The following ERCC4 variants were observed in gnomAD, a reference collection of about 807,000 sequenced individuals.
ERCC4 encodes the protein ERCC excision repair 4, endonuclease catalytic subunit.
A neutral mutation model predicts 76.9 loss-of-function variants in ERCC4; 65 were observed. The observed-to-expected ratio is 0.84, with a 90% CI of 0.69 to 1.04. ERCC4 has a LOEUF of 1.04. ERCC4 is among the 50% of genes least tolerant of loss of function. ERCC4 has a pLI of 0.00. For missense variants in ERCC4, 1,214 were observed against 1,128.2 expected (o/e 1.08, Z -1.09); for synonymous variants, 463 against 410.1 (o/e 1.13, Z -1.56).
chr16:13,937,639 C>T (rs1222801433), intron 8 of ERCC4, 127 bp from the exon 9 acceptor site: 2 of 717,840 alleles, frequency 2.8e-6, no homozygotes, highest in East Asian at 5.4e-5. Context: ...ATAAATGAAA[C>T]CTTTGATTCT....
At chr16:13,920,410 G>C in intron 1 of ERCC4, 38 bp downstream of exon 1, 1 of 1,515,994 alleles carries the variant, frequency 6.6e-7, no homozygotes, top group Non-Finnish European at 8.9e-7. Context: ...GGGACTCCGA[G>C]AGTGTTGAGG....
At position 13,949,460 on chromosome 16, in the gene ERCC4, T is replaced by C; in HGVS notation, c.*1113T>C. 8.6e-6 allele frequency: 2 copies of C among 233,134 alleles called. No individual in the cohort carries two copies. Among genetic ancestry groups the C allele is most frequent in the Non-Finnish European group, 1.7e-5 (2 of 117,974 alleles). 14.4% of individuals were successfully genotyped at this position (233,134 alleles called of 1,614,324 possible). ...AAGCTCACCTGCCTGTGATTCCTCATTTCTCACCATCCTGTGCCAGGGTGG... is the reference window on the plus strand; with the variant it reads ...AAGCTCACCTGCCTGTGATTCCTCACTTCTCACCATCCTGTGCCAGGGTGG... On this transcript the variant is annotated 3_prime_UTR_variant, in exon 11 of 11. Transcript: ENST00000311895.
intron 6 of ERCC4, 47 bp downstream of exon 6, chr16:13,932,332 TTGGTATGGAAATTTAAAG>T (rs1334137430): frequency 4.5e-6 from 7 of 1,568,556 alleles, no homozygotes; most frequent in Non-Finnish European, 6.1e-6. Flanking sequence ...ATTTCGGTAT[TTGGTATGGAAATTTAAAG>T]TGCAATTTAA....
In ERCC4 at chr16:13,947,945, C is replaced by T. The variant is rs2032552367; in HGVS notation, c.2349C>T (p.Asp783=). 6.2e-7 allele frequency: 1 copy of T among 1,614,176 alleles called. No individual in the cohort carries two copies. Among genetic ancestry groups the T allele is most frequent in the Non-Finnish European group, 8.5e-7 (1 of 1,180,018 alleles). The change falls in exon 11 of 11, where the codon GAC becomes GAT. Residue 783 remains aspartate (D), a synonymous_variant. Coordinates refer to ENST00000311895, the MANE Select transcript of ERCC4 (RefSeq NM_005236.3). ...TGTTTCAGGAGATCTCCAGCAATGACATTAGTTCCAAACTCACTCTTCTTA... is the reference window on the plus strand; with the variant it reads ...TGTTTCAGGAGATCTCCAGCAATGATATTAGTTCCAAACTCACTCTTCTTA... The part of the protein sequence containing the change: ...GALFQEISSN[D]ISSKLTLLTL...
intron 4 of ERCC4, among the ~76,000 whole-genome samples, chr16:13,930,221 G>A (rs2141947974): frequency 6.6e-6 from 1 of 152,168 alleles, no homozygotes; most frequent in East Asian, 1.9e-4. Context: ...ACCTTAATTT[G>A]TTAGTAAGCC....
chr16:13,934,396 G>A, intron 7 of ERCC4, 94 bp downstream of exon 7: 1 of 819,886 alleles, frequency 1.2e-6, no homozygotes, highest in Non-Finnish European at 2.1e-6. Flanking sequence ...AGACTAGCCT[G>A]ACCAACATGG....
intron 1 of ERCC4, 98 bp downstream of exon 1, chr16:13,920,470 G>A: frequency 9.1e-7 from 1 of 1,095,054 alleles, no homozygotes; most frequent in South Asian, 1.3e-5. Context: ...GGGCTCTGAG[G>A]GGGATTCAGG....
At chr16:13,944,182 T>C (rs3136201) in intron 9 of ERCC4, 83 of 158,344 alleles carry the variant, frequency 5.2e-4, no homozygotes, top group African/African-American at 1.8e-3. Context: ...TTCTTATATC[T>C]ATTTCAAAAT....
intron 1 of ERCC4, among the ~76,000 whole-genome samples, chr16:13,921,144 T>G (rs142740824): frequency 6.8e-6 from 1 of 146,536 alleles, no homozygotes; most frequent in Non-Finnish European, 1.5e-5. Context: ...TGGGGAGACA[T>G]GAAAGGAGAT....
At position 13,952,146 on chromosome 16, in the gene ERCC4, AAC is replaced by A. The variant is rs1415471494; in HGVS notation, c.*3801_*3802del. The A allele has an allele frequency of 1.1e-5, 2 of 189,040 alleles. No individual in the cohort carries two copies. Among genetic ancestry groups the A allele is most frequent in the Non-Finnish European group, 2.2e-5 (2 of 90,098 alleles). 11.7% of individuals were successfully genotyped at this position (189,040 alleles called of 1,614,324 possible). ...GACATAACTGATTTATATGAATTTT[AAC>A]AGAGTTGTATTTGTGTGTGTTTAAT... On this transcript the variant is annotated 3_prime_UTR_variant, in exon 11 of 11. Transcript: ENST00000311895.
At chr16:13,935,795 C>T (rs762215390) in intron 8 of ERCC4, 52 bp downstream of exon 8, 59 of 1,300,864 alleles carry the variant, frequency 4.5e-5, no homozygotes, top group Non-Finnish European at 6.5e-5. Flanking sequence ...TAGGATTTAA[C>T]CCAGAAACTA....
chr16:13,931,033 A>G, intron 5 of ERCC4, 143 bp downstream of exon 5: 1 of 679,842 alleles, frequency 1.5e-6, no homozygotes, highest in Non-Finnish European at 2.6e-6. Context: ...TCATAGCACA[A>G]AGATGTAGGT....
At chr16:13,938,471 A>G (rs563319084) in intron 9 of ERCC4, among the ~76,000 whole-genome samples, 22 of 152,198 alleles carry the variant, frequency 1.4e-4, no homozygotes, top group Non-Finnish European at 2.9e-4. Context: ...CTGGTTGGCT[A>G]CCTCTTGCCC....
intron 4 of ERCC4, 28 bp from the exon 5 acceptor site, chr16:13,930,682 G>C (rs1311431887): frequency 6.5e-7 from 1 of 1,545,600 alleles, no homozygotes; most frequent in Non-Finnish European, 8.9e-7. Context: ...ACATATTTTA[G>C]CAATACCAAA....
intron 6 of ERCC4, chr16:13,933,045 C>CAAAAA (rs11337706): frequency 8.2e-4 from 178 of 217,352 alleles, no homozygotes; most frequent in African/African-American, 2.0e-3. Flanking sequence ...GACTCGGTCT[C>CAAAAA]AAAAAAAAAA....
intron 4 of ERCC4, among the ~76,000 whole-genome samples, chr16:13,930,426 G>A (rs1311212202): frequency 6.6e-6 from 1 of 152,066 alleles, no homozygotes; most frequent in African/African-American, 2.4e-5. Flanking sequence ...ATATTTGGAT[G>A]ATAGATTGAC....
Position 13,949,748 on chromosome 16 carries a change from T to C in ERCC4, c.*1401T>C, listed in dbSNP as rs1339037471. On this transcript the variant is annotated 3_prime_UTR_variant, in exon 11 of 11. Coordinates refer to ENST00000311895, the MANE Select transcript of ERCC4 (RefSeq NM_005236.3). ...TCTTTGTGCAGTTTTTAAACTTTTATATTTAAACATTATTAAGTTGGCTTT... is the reference window on the plus strand; with the variant it reads ...TCTTTGTGCAGTTTTTAAACTTTTACATTTAAACATTATTAAGTTGGCTTT... The C allele has an allele frequency of 4.3e-6, 1 of 232,470 alleles. No homozygotes were observed. Among genetic ancestry groups the C allele is most frequent in the African/African-American group, 2.2e-5 (1 of 45,326 alleles). The allele number at this position is 232,470 out of a possible 1,614,324, so 14.4% of individuals were successfully genotyped here. A position where few individuals can be genotyped will look rare whatever the true frequency, so the allele number is the denominator to read the frequency against.
At chr16:13,939,310 AGTG>A (rs1169077929) in intron 9 of ERCC4, among the ~76,000 whole-genome samples, 1 of 152,176 alleles carries the variant, frequency 6.6e-6, no homozygotes, top group East Asian at 1.9e-4. Flanking sequence ...TGAGGTTACA[AGTG>A]GTGCAGAAAA....
At chr16:13,933,045 CAAAAAAAA>C (rs11337706) in intron 6 of ERCC4, 19 of 215,762 alleles carry the variant, frequency 8.8e-5, no homozygotes, top group Admixed American at 2.1e-4. Flanking sequence ...GACTCGGTCT[CAAAAAAAA>C]AAAAAAAAAA....
Sources: gnomAD v4.1 joint callset for allele counts (sites outside exome capture counted in the v4.1 genomes callset) on GRCh38, gnomAD v4.1.1 for gene constraint, MANE v1.5 for transcripts, NCBI Gene and HGNC (gene_info 2026-07-23, HGNC 2026-07-21) for gene names.